Variants in AMPH observed in about 807,000 individuals in gnomAD.
The protein encoded by AMPH is amphiphysin, also known as amphiphysin (Stiff-Mann syndrome with breast cancer 128kD autoantigen).
In AMPH, 49 loss-of-function variants were observed where a neutral mutation model predicts 99.1. The observed-to-expected ratio is 0.49, with a 90% CI of 0.39 to 0.63. The LOEUF (loss-of-function observed/expected upper bound fraction) is 0.63. Among genes scored for constraint, AMPH ranks in the 20% least tolerant of loss-of-function variants. The probability of loss-of-function intolerance (pLI) is 0.00; values close to 1 mark genes in which losing one functional copy is unlikely to be tolerated. For missense variants in AMPH, 759 were observed against 863.4 expected (o/e 0.88, Z 1.52); for synonymous variants, 314 against 317.3 (o/e 0.99, Z 0.11).
chr7:38,435,145 C>T (rs1786211720), intron 12 of AMPH, among the ~76,000 whole-genome samples: 1 of 152,024 alleles, frequency 6.6e-6, no homozygotes, highest in Admixed American at 6.5e-5. Flanking sequence ...CCTAAGAGAC[C>T]CTTTTGTTTT....
intron 1 of AMPH, among the ~76,000 whole-genome samples, chr7:38,554,021 C>T (rs1463218107): frequency 6.6e-6 from 1 of 152,288 alleles, no homozygotes; most frequent in East Asian, 1.9e-4. Flanking sequence ...CTTAGTGACC[C>T]GCAGCCCCAG....
intron 5 of AMPH, among the ~76,000 whole-genome samples, chr7:38,485,110 C>T (rs562106619): frequency 1.3e-5 from 2 of 151,918 alleles, no homozygotes; most frequent in African/African-American, 4.8e-5. Flanking sequence ...AAAATGGTAA[C>T]AGTAAATCCT....
chr7:38,491,750 G>A (rs1788725769), intron 4 of AMPH, among the ~76,000 whole-genome samples: 1 of 152,164 alleles, frequency 6.6e-6, no homozygotes, highest in Non-Finnish European at 1.5e-5. Context: ...TACAGAAGAG[G>A]ACACTGAAGC....
chr7:38,442,871 A>T, intron 11 of AMPH, among the ~76,000 whole-genome samples: 1 of 151,470 alleles, frequency 6.6e-6, no homozygotes, highest in Non-Finnish European at 1.5e-5. Flanking sequence ...AGTGAAACAG[A>T]AAACAAAAGA....
Position 38,391,872 on chromosome 7 carries a change from G to T in AMPH, c.1754C>A (p.Ala585Asp). Residue 585 changes from alanine (A) to aspartate (D), a missense_variant, in exon 19 of 21, where the codon GCT becomes GAT. Ala to Asp is a moderately radical substitution (Grantham distance 126, BLOSUM62 -2). Coordinates refer to ENST00000356264, the MANE Select transcript of AMPH (RefSeq NM_001635.4). ...GTCCTGGATAGGCTTCTGCTCCGTA[G>T]CCAGCTCCGGTGTCTCGCTGGTGGG... ...PGPTSETPEL[A>D]TEQKPIQDPQ... is the part of the protein sequence containing the mutation. 1 of 1,612,978 alleles carries T rather than the reference G, an allele frequency of 6.2e-7. No homozygotes were observed. The highest frequency in any genetic ancestry group is 8.5e-7 in the Non-Finnish European group (1 of 1,179,762).
intron 16 of AMPH, chr7:38,421,031 A>G (rs750542932): frequency 2.2e-6 from 1 of 456,722 alleles, no homozygotes; most frequent in South Asian, 1.5e-5. Flanking sequence ...ATCAGAGGGC[A>G]GGACCAAGGT....
chr7:38,386,326 T>C (rs930793390), intron 20 of AMPH, among the ~76,000 whole-genome samples: 2 of 152,224 alleles, frequency 1.3e-5, no homozygotes, highest in African/African-American at 4.8e-5. Context: ...CAAGTGTCTA[T>C]ATTTGACTTT....
At chr7:38,516,043 T>C (rs886814670) in intron 2 of AMPH, among the ~76,000 whole-genome samples, 1 of 152,238 alleles carries the variant, frequency 6.6e-6, no homozygotes, top group African/African-American at 2.4e-5. Context: ...AGAAATGACC[T>C]GAAGCTAGAA....
At chr7:38,422,942 T>C (rs1398050027) in intron 15 of AMPH, among the ~76,000 whole-genome samples, 1 of 152,218 alleles carries the variant, frequency 6.6e-6, no homozygotes, top group Non-Finnish European at 1.5e-5. Context: ...ATTTGAAACA[T>C]GTTCAAGTCC....
At chr7:38,628,726 T>G (rs1305431517) in intron 1 of AMPH, among the ~76,000 whole-genome samples, 4 of 152,246 alleles carry the variant, frequency 2.6e-5, no homozygotes, top group African/African-American at 9.6e-5. Flanking sequence ...AATTTCCGAG[T>G]AGTAGAATTA....
intron 2 of AMPH, among the ~76,000 whole-genome samples, chr7:38,527,080 G>A (rs73122280): frequency 0.035 from 5,319 of 152,232 alleles, 132 homozygotes; most frequent in Non-Finnish European, 0.053. Context: ...ATATTTGTGT[G>A]GGTCTATTTC....
chr7:38,628,865 A>G (rs1794355243), intron 1 of AMPH, among the ~76,000 whole-genome samples: 1 of 152,186 alleles, frequency 6.6e-6, no homozygotes, highest in Admixed American at 6.5e-5. Flanking sequence ...TAAGAAAAAA[A>G]CGTATTTAAA....
chr7:38,576,295 T>C (rs1183872441), intron 1 of AMPH, among the ~76,000 whole-genome samples: 2 of 152,218 alleles, frequency 1.3e-5, no homozygotes, highest in South Asian at 2.1e-4. Context: ...GCTCCACGAC[T>C]CATGCTTATA....
At chr7:38,501,532 T>C (rs1460422294) in intron 3 of AMPH, among the ~76,000 whole-genome samples, 1 of 152,212 alleles carries the variant, frequency 6.6e-6, no homozygotes, top group Non-Finnish European at 1.5e-5. Flanking sequence ...TAAAACTACC[T>C]GCCTTATAGA....
chr7:38,545,331 T>C (rs564499374), intron 1 of AMPH, among the ~76,000 whole-genome samples: 6 of 152,262 alleles, frequency 3.9e-5, no homozygotes, highest in African/African-American at 1.2e-4. Flanking sequence ...GGAATAAGGG[T>C]GGATCCGGCT....
At chr7:38,628,025 A>C (rs1794318239) in intron 1 of AMPH, among the ~76,000 whole-genome samples, 1 of 152,216 alleles carries the variant, frequency 6.6e-6, no homozygotes, top group South Asian at 2.1e-4. Context: ...TTCTCAGTAG[A>C]AATCACCAAA....
chr7:38,418,304 A>G (rs1300066022), intron 16 of AMPH, among the ~76,000 whole-genome samples: 1 of 152,102 alleles, frequency 6.6e-6, no homozygotes, highest in African/African-American at 2.4e-5. Context: ...AGAGAGAGAC[A>G]GAGACAGAGA....
chr7:38,457,881 T>C (rs1457547514), intron 11 of AMPH, among the ~76,000 whole-genome samples: 1 of 152,208 alleles, frequency 6.6e-6, no homozygotes, highest in Non-Finnish European at 1.5e-5. Flanking sequence ...ATTACTAATA[T>C]GTGAAGTTTT....
intron 1 of AMPH, among the ~76,000 whole-genome samples, chr7:38,580,550 G>T (rs17413477): frequency 0.28 from 42,656 of 151,766 alleles, 6,377 homozygotes; most frequent in Non-Finnish European, 0.34. Context: ...TAGGCATGAT[G>T]CTCTGTACGA....
Sources: allele counts gnomAD v4.1 joint callset (sites outside exome capture counted in the v4.1 genomes callset), GRCh38; gene constraint gnomAD v4.1.1; transcripts MANE v1.5; gene names NCBI Gene and HGNC (gene_info 2026-07-23, HGNC 2026-07-21).